The following MAGI2 variants were observed in gnomAD, a reference collection of about 807,000 sequenced individuals.
MAGI2 encodes the protein membrane associated guanylate kinase, WW and PDZ domain containing 2.
A neutral mutation model predicts 133.3 loss-of-function variants in MAGI2; 35 were observed. That is an observed-to-expected ratio of 0.26 (90% CI 0.20 to 0.35). MAGI2 has a LOEUF of 0.35. MAGI2 is among the 10% of genes least tolerant of loss of function. MAGI2 has a pLI of 1.00. For missense variants in MAGI2, 1,636 were observed against 1,863.4 expected, an observed-to-expected ratio of 0.88 and a Z score of 2.25; for synonymous variants, 729 against 710.6, an observed-to-expected ratio of 1.03 and a Z score of -0.41.
chr7:78,194,308 G>A (rs554655518), intron 12 of MAGI2, among the ~76,000 whole-genome samples: 8 of 152,216 alleles, frequency 5.3e-5, no homozygotes, highest in African/African-American at 1.9e-4. Flanking sequence ...GTGCATACAC[G>A]ATATTTTAAG....
chr7:78,763,360 G>C (rs1052457262), intron 2 of MAGI2, among the ~76,000 whole-genome samples: 1 of 152,144 alleles, frequency 6.6e-6, no homozygotes. Flanking sequence ...GCACAGAACA[G>C]ATTTTCATAT....
At chr7:78,586,005 AG>A (rs1803360443) in intron 3 of MAGI2, among the ~76,000 whole-genome samples, 2 of 152,182 alleles carry the variant, frequency 1.3e-5, no homozygotes. Flanking sequence ...TTTCTATTTT[AG>A]GTAGACAAAG....
At chr7:78,859,812 T>G (rs1020732123) in intron 2 of MAGI2, among the ~76,000 whole-genome samples, 1 of 152,232 alleles carries the variant, frequency 6.6e-6, no homozygotes, top group Non-Finnish European at 1.5e-5. Flanking sequence ...GTAGTTCTCC[T>G]GGATAGTATC....
At chr7:79,332,165 A>G (rs1486091703) in intron 1 of MAGI2, among the ~76,000 whole-genome samples, 37 of 152,266 alleles carry the variant, frequency 2.4e-4, no homozygotes, top group South Asian at 2.1e-4. Flanking sequence ...CAGATCCACA[A>G]GGGATGATTA....
intron 3 of MAGI2, among the ~76,000 whole-genome samples, chr7:78,620,641 T>A (rs1807632719): frequency 6.6e-6 from 1 of 151,886 alleles, no homozygotes; most frequent in Non-Finnish European, 1.5e-5. Flanking sequence ...TTATAAGAAA[T>A]CACATCATTA....
intron 20 of MAGI2, among the ~76,000 whole-genome samples, chr7:78,095,768 C>T (rs1041780225): frequency 6.6e-6 from 1 of 152,200 alleles, no homozygotes; most frequent in Non-Finnish European, 1.5e-5. Context: ...TGGCTGGCCT[C>T]ACTATTGGTG....
intron 1 of MAGI2, among the ~76,000 whole-genome samples, chr7:79,255,749 G>T (rs1585341394): frequency 2.0e-5 from 3 of 151,802 alleles, no homozygotes; most frequent in African/African-American, 7.2e-5. Flanking sequence ...ACAGAACTAG[G>T]AATCCATCTT....
intron 3 of MAGI2, among the ~76,000 whole-genome samples, chr7:78,602,685 T>C (rs1168127112): frequency 6.6e-6 from 1 of 152,178 alleles, no homozygotes; most frequent in Non-Finnish European, 1.5e-5. Flanking sequence ...ATTGGCCACA[T>C]TCGCAAAGAG....
At chr7:78,933,401 A>G (rs995812765) in intron 2 of MAGI2, among the ~76,000 whole-genome samples, 1 of 152,130 alleles carries the variant, frequency 6.6e-6, no homozygotes, top group Non-Finnish European at 1.5e-5. Flanking sequence ...TATGAAAGGT[A>G]TCATATAAAC....
intron 1 of MAGI2, among the ~76,000 whole-genome samples, chr7:79,315,155 G>T (rs1219583450): frequency 7.5e-6 from 1 of 133,430 alleles, no homozygotes; most frequent in Non-Finnish European, 1.6e-5. Flanking sequence ...GTATAAACTA[G>T]ATTTAACTCT....
chr7:78,327,992 T>C (rs1788757394), intron 9 of MAGI2, among the ~76,000 whole-genome samples: 1 of 152,172 alleles, frequency 6.6e-6, no homozygotes, highest in Non-Finnish European at 1.5e-5. Context: ...AAATCAGTTT[T>C]GTACTTTTTA....
chr7:78,947,074 G>A (rs1019825738), intron 2 of MAGI2: 1 of 152,034 alleles, frequency 6.6e-6, no homozygotes, highest in South Asian at 2.1e-4. Context: ...TATTACTTAT[G>A]AATGACTTTC....
intron 1 of MAGI2, among the ~76,000 whole-genome samples, chr7:79,284,413 G>T (rs968280303): frequency 6.6e-6 from 1 of 151,920 alleles, no homozygotes; most frequent in Non-Finnish European, 1.5e-5. Context: ...GACTTCAATT[G>T]GTCTGGCATG....
chr7:78,494,025 G>A (rs910623722), intron 5 of MAGI2, among the ~76,000 whole-genome samples: 16 of 151,956 alleles, frequency 1.1e-4, no homozygotes, highest in Admixed American at 2.6e-4. Context: ...TGCCCAGGCA[G>A]GAGTGCAATG....
At chr7:78,310,233 G>A (rs1485509478) in intron 9 of MAGI2, among the ~76,000 whole-genome samples, 2 of 151,706 alleles carry the variant, frequency 1.3e-5, no homozygotes, top group Non-Finnish European at 2.9e-5. Flanking sequence ...TCAAGAGATC[G>A]AGATCATCCT....
intron 9 of MAGI2, among the ~76,000 whole-genome samples, chr7:78,285,391 T>A (rs1428705806): frequency 6.6e-6 from 1 of 152,186 alleles, no homozygotes; most frequent in Non-Finnish European, 1.5e-5. Flanking sequence ...TTTTGAATGC[T>A]TCCTATTTGT....
At chr7:78,033,217 G>T (rs1458015219) in intron 21 of MAGI2, among the ~76,000 whole-genome samples, 1 of 152,030 alleles carries the variant, frequency 6.6e-6, no homozygotes, top group African/African-American at 2.4e-5. Flanking sequence ...TTGAATGTGG[G>T]GTGTGAGGAA....
intron 3 of MAGI2, among the ~76,000 whole-genome samples, chr7:78,567,794 C>T (rs1801101544): frequency 6.6e-6 from 1 of 152,172 alleles, no homozygotes; most frequent in African/African-American, 2.4e-5. Flanking sequence ...CCCCCCATCT[C>T]CCAACAAATA....
At chr7:78,036,253 T>G (rs1486146707) in intron 21 of MAGI2, among the ~76,000 whole-genome samples, 1 of 152,196 alleles carries the variant, frequency 6.6e-6, no homozygotes, top group African/African-American at 2.4e-5. Context: ...ACTGAACAGC[T>G]GTGTGGCTTT....
Sources: gnomAD v4.1 joint callset for allele counts (sites outside exome capture counted in the v4.1 genomes callset) on GRCh38, gnomAD v4.1.1 for gene constraint, MANE v1.5 for transcripts, NCBI Gene and HGNC (gene_info 2026-07-23, HGNC 2026-07-21) for gene names.